Variants in LIN52 observed in about 807,000 individuals in gnomAD.
LIN52 encodes protein lin-52 homolog.
Under a neutral mutation model 18.5 loss-of-function variants are expected in LIN52, and 4 were observed. The ratio of observed to expected loss-of-function variants is 0.22; its 90% CI spans 0.11 to 0.49. LIN52 has a LOEUF of 0.49. LIN52 is among the 20% of genes least tolerant of loss of function. The pLI is 0.97. For synonymous variants in LIN52, 34 were observed against 45.5 expected, an observed-to-expected ratio of 0.75 and a Z score of 1.02; for missense variants, 102 against 139.5, an observed-to-expected ratio of 0.73 and a Z score of 1.35.
intron 5 of LIN52, among the ~76,000 whole-genome samples, chr14:74,135,493 C>A (rs1189610230): frequency 6.6e-6 from 1 of 152,194 alleles, no homozygotes; most frequent in Non-Finnish European, 1.5e-5. Context: ...AAGTTGATTT[C>A]TCCATAAGTT....
At chr14:74,133,025 A>C (rs935998318) in intron 5 of LIN52, among the ~76,000 whole-genome samples, 7 of 152,050 alleles carry the variant, frequency 4.6e-5, no homozygotes, top group African/African-American at 1.5e-4. Context: ...AAAAAAAAAA[A>C]CAACCCATTT....
chr14:74,104,592 T>A (rs2060885269), intron 5 of LIN52, among the ~76,000 whole-genome samples: 1 of 88,478 alleles, frequency 1.1e-5, no homozygotes. Flanking sequence ...ACAGGCTTGA[T>A]TTTTTTTTTT....
intron 5 of LIN52, among the ~76,000 whole-genome samples, chr14:74,187,641 C>T (rs1313141391): frequency 6.6e-6 from 1 of 152,106 alleles, no homozygotes; most frequent in Non-Finnish European, 1.5e-5. Context: ...AAATTATGTG[C>T]CTTCTAAGTG....
At chr14:74,182,757 AGATTCAGTAAGTAACCAAG>A (rs1327575618) in intron 5 of LIN52, among the ~76,000 whole-genome samples, 1 of 152,192 alleles carries the variant, frequency 6.6e-6, no homozygotes, top group Non-Finnish European at 1.5e-5. Context: ...TCTTTTGAGA[AGATTCAGTAAGTAACCAAG>A]GACTCTTTCT....
chr14:74,140,539 C>T (rs1269172213), intron 5 of LIN52, among the ~76,000 whole-genome samples: 1 of 152,160 alleles, frequency 6.6e-6, no homozygotes, highest in African/African-American at 2.4e-5. Flanking sequence ...AATCAAATGA[C>T]CCTCTCCAGT....
chr14:74,091,903 A>G (rs565926267), intron 2 of LIN52, among the ~76,000 whole-genome samples: 1 of 152,166 alleles, frequency 6.6e-6, no homozygotes, highest in African/African-American at 2.4e-5. Flanking sequence ...GTCCAGTGTT[A>G]AGAATAGCTG....
chr14:74,110,239 CTG>C (rs1449800438), intron 5 of LIN52, among the ~76,000 whole-genome samples: 1 of 152,164 alleles, frequency 6.6e-6, no homozygotes, highest in African/African-American at 2.4e-5. Flanking sequence ...AATTTTATCA[CTG>C]TTGTTTTTTA....
chr14:74,111,920 G>A (rs1310939160), intron 5 of LIN52, among the ~76,000 whole-genome samples: 2 of 150,656 alleles, frequency 1.3e-5, no homozygotes, highest in African/African-American at 2.4e-5. Flanking sequence ...CGCTCTTGTC[G>A]CCCAGGCTGG....
At chr14:74,094,267 T>G (rs2060793190) in intron 2 of LIN52, among the ~76,000 whole-genome samples, 1 of 152,004 alleles carries the variant, frequency 6.6e-6, no homozygotes, top group African/African-American at 2.4e-5. Flanking sequence ...AGTTTTTTTT[T>G]TTTTTTAATT....
chr14:74,178,567 C>T (rs1361045649), intron 5 of LIN52, among the ~76,000 whole-genome samples: 2 of 151,578 alleles, frequency 1.3e-5, no homozygotes, highest in Middle Eastern at 3.4e-3. Context: ...AAGTGATTCT[C>T]GTGCGTTAGC....
intron 5 of LIN52, among the ~76,000 whole-genome samples, chr14:74,191,641 T>C (rs549220090): frequency 2.0e-4 from 30 of 151,492 alleles, no homozygotes; most frequent in South Asian, 1.2e-3. Flanking sequence ...TTCTTTCTTT[T>C]TTTTTTTTTT....
At chr14:74,112,183 T>A (rs1219382903) in intron 5 of LIN52, among the ~76,000 whole-genome samples, 2 of 152,192 alleles carry the variant, frequency 1.3e-5, no homozygotes, top group Non-Finnish European at 2.9e-5. Context: ...CCTGGCCCCT[T>A]CTTGTGATTT....
intron 5 of LIN52, among the ~76,000 whole-genome samples, chr14:74,104,029 G>T (rs368830900): frequency 6.6e-6 from 1 of 151,580 alleles, no homozygotes; most frequent in South Asian, 2.1e-4. Context: ...CTCCCAAGTA[G>T]CTGAGATTAC....
intron 4 of LIN52, among the ~76,000 whole-genome samples, chr14:74,099,069 TTTAAA>T (rs1171353634): frequency 2.6e-5 from 4 of 152,182 alleles, no homozygotes; most frequent in Admixed American, 6.5e-5. Flanking sequence ...AAAGTGGAAA[TTTAAA>T]TTAAAAAACA....
chr14:74,119,853 TA>T (rs1383555391), intron 5 of LIN52, among the ~76,000 whole-genome samples: 8 of 151,264 alleles, frequency 5.3e-5, no homozygotes, highest in African/African-American at 1.9e-4. Context: ...TTTTTTTTTT[TA>T]GATGGAGTTT....
In LIN52 at chr14:74,149,471, C is replaced by T. The variant is rs961959765; in HGVS notation, c.283+48233C>T. 5.9e-5 allele frequency among the ~76,000 whole-genome samples: 9 copies of T among 152,046 alleles called. No individual in the cohort carries two copies. The South Asian group carries it at 6.2e-4, about 11-fold the overall frequency. On this transcript the variant is annotated intron_variant, in intron 5 of 5. Coordinates refer to ENST00000555028, the MANE Select transcript of LIN52 (RefSeq NM_001024674.3). ...GAGATAAGACTGCACCAGGCCTGATCGGTACATGAATGAGGTTATGCGTGG... is the reference window on the plus strand; with the variant it reads ...GAGATAAGACTGCACCAGGCCTGATTGGTACATGAATGAGGTTATGCGTGG...
rs901656868 is a variant in LIN52, at chr14:74,148,214, G to A, written c.283+46976G>A. ...ACTCTCCTCTTCCCTTTATTATTTCGCAAAATAGATTGGAAATAATCTCCT... is the reference window on the plus strand; with the variant it reads ...ACTCTCCTCTTCCCTTTATTATTTCACAAAATAGATTGGAAATAATCTCCT... On this transcript the variant is annotated intron_variant, in intron 5 of 5. Transcript: ENST00000555028. Among the ~76,000 whole-genome samples the A allele has an allele frequency of 7.9e-5, 12 of 151,470 alleles. 1 individual carries two copies. Among genetic ancestry groups the A allele is most frequent in the Admixed American group, 5.3e-4 (8 of 15,202 alleles).
At chr14:74,123,326 G>T (rs980911482) in intron 5 of LIN52, among the ~76,000 whole-genome samples, 1 of 152,184 alleles carries the variant, frequency 6.6e-6, no homozygotes, top group African/African-American at 2.4e-5. Flanking sequence ...CCTAGTAGGA[G>T]AATGGAAAGT....
intron 5 of LIN52, among the ~76,000 whole-genome samples, chr14:74,148,078 G>T (rs528742500): frequency 6.6e-6 from 1 of 152,218 alleles, no homozygotes; most frequent in Admixed American, 6.5e-5. Context: ...TATCTAGGAA[G>T]CCCAGAAGAT....
Sources: gnomAD v4.1 joint callset for allele counts (sites outside exome capture counted in the v4.1 genomes callset) on GRCh38, gnomAD v4.1.1 for gene constraint, MANE v1.5 for transcripts, NCBI Gene and HGNC (gene_info 2026-07-23, HGNC 2026-07-21) for gene names.